The following HESX1 variants were observed in gnomAD, a reference collection of about 807,000 sequenced individuals.
HESX1 encodes homeobox expressed in ES cells 1.
In HESX1, 11 loss-of-function variants were observed where a neutral mutation model predicts 22.5. The observed-to-expected ratio is 0.49, with a 90% confidence interval of 0.31 to 0.81. The LOEUF is 0.81. Among genes scored for constraint, HESX1 ranks in the 30% least tolerant of loss-of-function variants. HESX1 has a pLI of 0.05. For missense variants in HESX1, 201 were observed against 212.6 expected (o/e 0.95, Z 0.34); for synonymous variants, 74 against 76.5 (o/e 0.97, Z 0.17).
rs2060457578 is a variant in HESX1, at chr3:57,198,000, T to C, written c.*197A>G. 8.9e-6 allele frequency: 4 copies of C among 449,366 alleles called. No homozygotes were observed. In the South Asian group the frequency reaches 1.8e-4, roughly 20 times the overall value. The allele number at this position is 449,366 out of a possible 1,614,324, so 27.8% of individuals were successfully genotyped here. ...TTCTGAAAATGTTTATTAAAATATA[T>C]ATAAAAGGTCTTTACTATAACTAAA... On this transcript the variant is annotated 3_prime_UTR_variant, in exon 4 of 4. Coordinates refer to ENST00000295934, the MANE Select transcript of HESX1 (RefSeq NM_003865.3).
At chr3:57,223,548 C>T (rs1442571103) in intron 1 of HESX1, among the ~76,000 whole-genome samples, 1 of 152,132 alleles carries the variant, frequency 6.6e-6, no homozygotes, top group African/African-American at 2.4e-5. Flanking sequence ...GTCCTTAGTG[C>T]CCTCCCACCT....
chr3:57,203,365 T>C (rs970035582), upstream of HESX1, among the ~76,000 whole-genome samples: 1 of 152,074 alleles, frequency 6.6e-6, no homozygotes, highest in African/African-American at 2.4e-5. Context: ...AGAAGTGCAA[T>C]TCTTTAGAAG....
At chr3:57,216,531 G>A (rs1389288389) in intron 1 of HESX1, among the ~76,000 whole-genome samples, 1 of 152,208 alleles carries the variant, frequency 6.6e-6, no homozygotes, top group Admixed American at 6.5e-5. Flanking sequence ...AGGATCACCT[G>A]AGCCCAGGAG....
At chr3:57,201,873 CTATATCTA>C (rs1375656624), upstream of HESX1, among the ~76,000 whole-genome samples, 66 of 108,578 alleles carry the variant, frequency 6.1e-4, no homozygotes, top group African/African-American at 1.9e-3. Context: ...ATCTATCTAT[CTATATCTA>C]TCTATCTATC....
rs2060473445 is a variant in HESX1, at chr3:57,199,810, G to C, written c.109C>G (p.Pro37Ala). The C allele has an allele frequency of 2.5e-6, 4 of 1,613,988 alleles. No homozygotes were observed. The highest frequency in any genetic ancestry group is 2.5e-6 in the Non-Finnish European group (3 of 1,179,902). ...CAGGGCCTGTGGGGTTTCATTAATGGAACACAGTCTTTCTTCTGGTCCAGT... is the reference window on the plus strand; with the variant it reads ...CAGGGCCTGTGGGGTTTCATTAATGCAACACAGTCTTTCTTCTGGTCCAGT... Reference protein sequence around the residue: ...LGLDQKKDCVPLMKPHRPWAD... With the variant: ...LGLDQKKDCVALMKPHRPWAD... The change falls in exon 1 of 4, where the codon CCA becomes GCA. Residue 37 changes from proline to alanine, a missense_variant. By Grantham distance (27) the Pro-to-Ala change is conservative (BLOSUM62 -1). Transcript: ENST00000295934.
At chr3:57,200,178 AGGG>A, upstream of HESX1, 1 of 492,818 alleles carries the variant, frequency 2.0e-6, no homozygotes, top group Non-Finnish European at 3.7e-6. Flanking sequence ...GGCCACCTAC[AGGG>A]ACAAAAAGTG....
upstream of HESX1, among the ~76,000 whole-genome samples, chr3:57,203,428 A>G (rs569895438): frequency 1.3e-5 from 2 of 152,300 alleles, no homozygotes; most frequent in Non-Finnish European, 2.9e-5. Flanking sequence ...CAATCCCCAT[A>G]ATATCTTATA....
chr3:57,209,051 G>T (rs991907864), intron 1 of HESX1, among the ~76,000 whole-genome samples: 1 of 152,140 alleles, frequency 6.6e-6, no homozygotes, highest in Non-Finnish European at 1.5e-5. Flanking sequence ...ACATTATTGT[G>T]TAATTCTGGA....
intron 1 of HESX1, among the ~76,000 whole-genome samples, chr3:57,210,984 C>T (rs1446824816): frequency 1.3e-5 from 2 of 151,960 alleles, no homozygotes; most frequent in Admixed American, 6.6e-5. Context: ...TTTGGGAGGC[C>T]GAGGCGGGCG....
chr3:57,227,115 GTCAGTCCTGAAGGAC>G (rs2060651246), upstream of HESX1, among the ~76,000 whole-genome samples: 1 of 152,162 alleles, frequency 6.6e-6, no homozygotes, highest in Non-Finnish European at 1.5e-5. Context: ...GAGTTGCAGC[GTCAGTCCTGAAGGAC>G]TGACCTCGGG....
intron 1 of HESX1, among the ~76,000 whole-genome samples, chr3:57,219,125 C>T (rs562772078): frequency 6.6e-6 from 1 of 152,240 alleles, no homozygotes; most frequent in South Asian, 2.1e-4. Flanking sequence ...TGTTGTTCCC[C>T]TCTTTGTGTC....
intron 1 of HESX1, among the ~76,000 whole-genome samples, chr3:57,225,770 TTTAAC>T (rs2060638837): frequency 6.6e-6 from 1 of 152,210 alleles, no homozygotes; most frequent in African/African-American, 2.4e-5. Flanking sequence ...AAGGAAACCA[TTTAAC>T]TTGACAATAC....
chr3:57,225,401 G>C (rs1439153122), intron 1 of HESX1, among the ~76,000 whole-genome samples: 1 of 151,954 alleles, frequency 6.6e-6, no homozygotes, highest in Non-Finnish European at 1.5e-5. Context: ...GCCCAGGCTG[G>C]AGTGCAGTTT....
At chr3:57,208,334 T>C (rs1451058648) in intron 1 of HESX1, among the ~76,000 whole-genome samples, 1 of 145,932 alleles carries the variant, frequency 6.9e-6, no homozygotes, top group Non-Finnish European at 1.5e-5. Context: ...GGGAAGTATA[T>C]TGACGTCTAC....
rs528919258 is a variant in HESX1, at chr3:57,199,925, G to C, written c.-7C>G. ...CCTGAAGGCTGGGAGACATCCTCTCGTGGTCTGCACAGAGCAACAGCTCTG... is the reference window on the plus strand; with the variant it reads ...CCTGAAGGCTGGGAGACATCCTCTCCTGGTCTGCACAGAGCAACAGCTCTG... On this transcript the variant is annotated 5_prime_UTR_variant, in exon 1 of 4. Transcript: ENST00000295934. 216 of 1,613,492 alleles carry C rather than the reference G, an allele frequency of 1.3e-4. 4 individuals are homozygous for C. In the South Asian group the frequency reaches 1.4e-3, roughly 11 times the overall value.
chr3:57,224,588 A>G (rs115667354), intron 1 of HESX1, among the ~76,000 whole-genome samples: 2,060 of 152,302 alleles, frequency 0.014, 42 homozygotes, highest in African/African-American at 0.047. Flanking sequence ...CTGACCTACT[A>G]CACCAAAATC....
At chr3:57,201,036 T>C (rs1416736784), upstream of HESX1, among the ~76,000 whole-genome samples, 1 of 152,220 alleles carries the variant, frequency 6.6e-6, no homozygotes, top group African/African-American at 2.4e-5. Flanking sequence ...TCCAGTACCT[T>C]CCTGAAGATA....
At chr3:57,203,157 G>T (rs2107570171), upstream of HESX1, among the ~76,000 whole-genome samples, 1 of 152,284 alleles carries the variant, frequency 6.6e-6, no homozygotes, top group South Asian at 2.1e-4. Context: ...CTGTGGAAAG[G>T]GATTAGAGAG....
chr3:57,205,996 G>T (rs953227866), intron 1 of HESX1, among the ~76,000 whole-genome samples: 1 of 152,280 alleles, frequency 6.6e-6, no homozygotes, highest in African/African-American at 2.4e-5. Context: ...TTTGAGACCA[G>T]CCTGGCCAAC....
Sources: gnomAD v4.1 joint callset for allele counts (sites outside exome capture counted in the v4.1 genomes callset) on GRCh38, gnomAD v4.1.1 for gene constraint, MANE v1.5 for transcripts, NCBI Gene and HGNC (gene_info 2026-07-23, HGNC 2026-07-21) for gene names.